SLC8A3: variants seen among roughly 807,000 people sequenced by gnomAD.
SLC8A3 encodes the protein solute carrier family 8 member A3, also known as sodium/calcium exchanger 3.
In SLC8A3, 37 loss-of-function variants were observed where a neutral mutation model predicts 65.4. The observed-to-expected ratio is 0.57, with a 90% confidence interval of 0.44 to 0.74. SLC8A3 has a LOEUF of 0.74. Ranked by LOEUF, SLC8A3 falls within the 30% of genes least tolerant of loss-of-function variation. The pLI, the probability that SLC8A3 is intolerant of heterozygous loss-of-function variation, is 0.00. For synonymous variants in SLC8A3, 461 were observed against 444.5 expected (o/e 1.04, Z -0.47); for missense variants, 1,112 against 1,172.1 (o/e 0.95, Z 0.75).
chr14:70,171,755 G>A (rs983859979), intron 1 of SLC8A3, among the ~76,000 whole-genome samples: 6 of 152,108 alleles, frequency 3.9e-5, no homozygotes, highest in Admixed American at 1.3e-4. Flanking sequence ...AGCCAAGATC[G>A]CGCCATTGCA....
intron 2 of SLC8A3, among the ~76,000 whole-genome samples, chr14:70,153,808 T>C (rs959956248): frequency 6.6e-6 from 1 of 152,222 alleles, no homozygotes; most frequent in African/African-American, 2.4e-5. Flanking sequence ...ATCTCATCAC[T>C]GCCCCGTCTA....
chr14:70,147,070 A>C (rs1480253183), intron 2 of SLC8A3, among the ~76,000 whole-genome samples: 3 of 152,204 alleles, frequency 2.0e-5, no homozygotes, highest in Non-Finnish European at 4.4e-5. Context: ...AGTTTGTGCT[A>C]ACTTTATGGA....
At chr14:70,057,294 G>GTAGATAGATAGATAGATAGA (rs3052660) in intron 3 of SLC8A3, among the ~76,000 whole-genome samples, 3 of 149,464 alleles carry the variant, frequency 2.0e-5, no homozygotes, top group Admixed American at 6.7e-5. Context: ...AGGCAGATAG[G>GTAGATAGATAGATAGATAGA]TAGATAGATA....
intron 2 of SLC8A3, among the ~76,000 whole-genome samples, chr14:70,109,435 A>T (rs1202940115): frequency 1.5e-5 from 2 of 131,186 alleles, no homozygotes; most frequent in African/African-American, 5.7e-5. Context: ...ATATATATAC[A>T]TGTATATGTA....
chr14:70,048,408 T>C, intron 6 of SLC8A3: 1 of 569,042 alleles, frequency 1.8e-6, no homozygotes, highest in South Asian at 2.4e-5. Context: ...GGTTAAGAAA[T>C]TGGACCACTT....
intron 2 of SLC8A3, among the ~76,000 whole-genome samples, chr14:70,106,431 G>C (rs1373044826): frequency 6.6e-6 from 1 of 152,062 alleles, no homozygotes; most frequent in Non-Finnish European, 1.5e-5. Flanking sequence ...TTAGTATTTA[G>C]AGGCACCTTT....
At chr14:70,126,235 C>T (rs2140203932) in intron 2 of SLC8A3, among the ~76,000 whole-genome samples, 1 of 149,752 alleles carries the variant, frequency 6.7e-6, no homozygotes, top group East Asian at 1.9e-4. Context: ...CAAAACATTG[C>T]TTCTTCAATC....
chr14:70,133,063 C>A (rs1894955629), intron 2 of SLC8A3, among the ~76,000 whole-genome samples: 1 of 142,330 alleles, frequency 7.0e-6, no homozygotes, highest in Admixed American at 7.6e-5. Context: ...ATCTTTCCAG[C>A]TGCAGCCCCT....
chr14:70,101,355 G>T (rs560372002), intron 2 of SLC8A3, among the ~76,000 whole-genome samples: 2 of 152,214 alleles, frequency 1.3e-5, no homozygotes, highest in Admixed American at 1.3e-4. Context: ...AGTGGATAAA[G>T]AAAGAGAATG....
At chr14:70,093,305 T>A (rs1456054064) in intron 2 of SLC8A3, among the ~76,000 whole-genome samples, 2 of 152,216 alleles carry the variant, frequency 1.3e-5, no homozygotes. Context: ...ATTAGATGAC[T>A]TGGTTGTCCA....
intron 3 of SLC8A3, among the ~76,000 whole-genome samples, chr14:70,058,610 A>T (rs1888422764): frequency 6.6e-6 from 1 of 152,220 alleles, no homozygotes. Context: ...CAAAACAGGA[A>T]GATGTCCTTA....
At chr14:70,113,458 G>A (rs8006988) in intron 2 of SLC8A3, among the ~76,000 whole-genome samples, 6,034 of 152,268 alleles carry the variant, frequency 0.04, 479 homozygotes, top group East Asian at 0.37. Context: ...ATTATGCAGC[G>A]CATGATTGTA....
At chr14:70,048,108 T>C (rs1272451061) in intron 6 of SLC8A3, 2 of 157,858 alleles carry the variant, frequency 1.3e-5, no homozygotes, top group Non-Finnish European at 2.8e-5. Flanking sequence ...GAATGTCCGC[T>C]CCTTTCTGTT....
intron 2 of SLC8A3, among the ~76,000 whole-genome samples, chr14:70,120,010 A>G (rs1255944323): frequency 6.6e-6 from 1 of 152,188 alleles, no homozygotes; most frequent in African/African-American, 2.4e-5. Context: ...GTGTGTGTCA[A>G]TGCTAGGCTA....
intron 2 of SLC8A3, among the ~76,000 whole-genome samples, chr14:70,128,450 C>T (rs894661430): frequency 5.3e-5 from 8 of 152,202 alleles, no homozygotes; most frequent in Non-Finnish European, 1.0e-4. Context: ...ATTCCTTCCT[C>T]AACAGGCCCT....
chr14:70,099,710 G>T (rs1056872782), intron 2 of SLC8A3, among the ~76,000 whole-genome samples: 1 of 152,192 alleles, frequency 6.6e-6, no homozygotes, highest in Non-Finnish European at 1.5e-5. Flanking sequence ...CTGCCTCTTG[G>T]TTTGCACTAA....
intron 1 of SLC8A3, chr14:70,187,148 G>C (rs951398115): frequency 1.3e-5 from 2 of 152,426 alleles, no homozygotes; most frequent in Admixed American, 1.3e-4. Flanking sequence ...GCTTGGCTGC[G>C]CCTGCTGCAG....
chr14:70,118,066 C>T (rs1293504571), intron 2 of SLC8A3, among the ~76,000 whole-genome samples: 2 of 152,220 alleles, frequency 1.3e-5, no homozygotes, highest in Non-Finnish European at 2.9e-5. Flanking sequence ...CTTCTTCCTT[C>T]ATGACTGTCA....
At chr14:70,048,293 C>A in intron 6 of SLC8A3, 1 of 281,650 alleles carries the variant, frequency 3.6e-6, no homozygotes, top group Non-Finnish European at 6.6e-6. Context: ...TATCTTTGAG[C>A]TGGCTAATCT....
Sources: allele counts gnomAD v4.1 joint callset (sites outside exome capture counted in the v4.1 genomes callset), GRCh38; gene constraint gnomAD v4.1.1; transcripts MANE v1.5; gene names NCBI Gene and HGNC (gene_info 2026-07-23, HGNC 2026-07-21).